The following ANKRD17 variants were observed in gnomAD, a reference collection of about 807,000 sequenced individuals.
The protein encoded by ANKRD17 is ankyrin repeat domain 17.
Under a neutral mutation model 229.7 loss-of-function variants are expected in ANKRD17, and 19 were observed. The observed-to-expected ratio is 0.08, with a 90% CI of 0.06 to 0.12. ANKRD17 has a LOEUF of 0.12. ANKRD17 is among the 10% of genes least tolerant of loss of function. The pLI, the probability that ANKRD17 is intolerant of heterozygous loss-of-function variation, is 1.00. For synonymous variants in ANKRD17, 1,112 were observed against 1,146.1 expected, an observed-to-expected ratio of 0.97 and a Z score of 0.60; for missense variants, 2,176 against 3,176.8, an observed-to-expected ratio of 0.68 and a Z score of 7.57.
intron 1 of ANKRD17, among the ~76,000 whole-genome samples, chr4:73,257,280 G>A (rs1471349087): frequency 6.6e-6 from 1 of 152,216 alleles, no homozygotes; most frequent in Non-Finnish European, 1.5e-5. Flanking sequence ...TTGGTTGTCA[G>A]TATGGTATGT....
At chr4:73,108,577 A>C (rs977567774) in intron 24 of ANKRD17, among the ~76,000 whole-genome samples, 1 of 152,190 alleles carries the variant, frequency 6.6e-6, no homozygotes, top group East Asian at 1.9e-4. Flanking sequence ...TGAAGAGAGT[A>C]TATCAAATGT....
At chr4:73,096,596 A>G (rs925305877) in intron 27 of ANKRD17, among the ~76,000 whole-genome samples, 9 of 152,212 alleles carry the variant, frequency 5.9e-5, no homozygotes, top group African/African-American at 1.7e-4. Context: ...AAAGAGTGAC[A>G]ATGGATCACA....
At chr4:73,132,823 G>T (rs780534522) in intron 16 of ANKRD17, among the ~76,000 whole-genome samples, 18 of 152,120 alleles carry the variant, frequency 1.2e-4, no homozygotes, top group Non-Finnish European at 2.2e-4. Context: ...TCAATGACTG[G>T]ACAAACTTTT....
At position 73,139,924 on chromosome 4, in the gene ANKRD17, G is replaced by T. The variant is rs1729405789; in HGVS notation, c.2692C>A (p.Leu898Ile). The T allele has an allele frequency of 1.2e-6, 2 of 1,614,108 alleles. No homozygotes were observed. The highest frequency in any genetic ancestry group is 1.6e-4 in the Middle Eastern group (1 of 6,084). Residue 898 changes from leucine to isoleucine, a missense_variant, in exon 15 of 34, where the codon CTT becomes ATT. Physicochemically the swap from Leu to Ile is conservative, Grantham distance 5. Coordinates refer to ENST00000358602, the MANE Select transcript of ANKRD17 (RefSeq NM_032217.5). The stretch of plus-strand genomic sequence containing the variant: ...CAAGACTGTTGCTGCTGTTGCTGAA[G>T]TTGAATTCTTTGAGCTTTAACCTCT... Reference protein sequence around the residue: ...YLEVKAQRIQLQQQQQQSCQH... With the variant: ...YLEVKAQRIQIQQQQQQSCQH...
intron 2 of ANKRD17, among the ~76,000 whole-genome samples, chr4:73,163,029 C>CT (rs769597979): frequency 0.018 from 2,410 of 135,766 alleles, 29 homozygotes; most frequent in Middle Eastern, 0.019. Flanking sequence ...TGGCTAATTG[C>CT]TTTTTTTTTT....
In ANKRD17 at chr4:73,085,281, C is replaced by G; in HGVS notation, c.7127G>C (p.Ser2376Thr). The change falls in exon 30 of 34, where the codon AGT (serine) becomes ACT (threonine). Residue 2376 changes from serine (S) to threonine (T), a missense_variant. By Grantham distance (58) the Ser-to-Thr change is moderately conservative. This residue lies in a region of ANKRD17 where 87 missense variants were observed against 116.0 expected (regional missense o/e 0.75). Transcript: ENST00000358602. ...TGCTGATGAACACGGAGTCAACAAA[C>G]TAAGCGGGGAAAAATGTTGTCTGTT... ...NFNRQHFSPL[S>T]LLTPCSSASN... The G allele has an allele frequency of 1.2e-6, 2 of 1,614,064 alleles. No homozygotes were observed. Among genetic ancestry groups the G allele is most frequent in the Non-Finnish European group, 1.7e-6 (2 of 1,179,998 alleles).
rs1723906749 is a variant in ANKRD17 at position 73,100,959 on chromosome 4, G to C, written c.4573+1417C>G. ...AGATTTAACCAACACTAGATTGAAA[G>C]TATTCAAAAAACAAAACAAAAAACA... On this transcript the variant is annotated intron_variant, in intron 25 of 33. Transcript: ENST00000358602. 5 of 985,174 alleles carry C rather than the reference G, an allele frequency of 5.1e-6. 1 individual carries two copies. In the South Asian group the frequency reaches 1.9e-4, roughly 37 times the overall value. 61.0% of individuals were successfully genotyped at this position (985,174 alleles called of 1,614,324 possible).
intron 24 of ANKRD17, among the ~76,000 whole-genome samples, chr4:73,111,883 T>C (rs1160898230): frequency 1.3e-5 from 2 of 152,236 alleles, no homozygotes; most frequent in Non-Finnish European, 2.9e-5. Flanking sequence ...TTTTATGTTC[T>C]AGTAATAGAG....
At chr4:73,161,041 TAA>T in intron 3 of ANKRD17, 149 bp downstream of exon 3, 1 of 1,001,376 alleles carries the variant, frequency 1.0e-6, no homozygotes, top group Non-Finnish European at 1.4e-6. Flanking sequence ...CTATACCTTA[TAA>T]AGTTTTTGTG....
chr4:73,179,488 G>GTGTGTA (rs1491132715), intron 1 of ANKRD17, among the ~76,000 whole-genome samples: 10 of 48,218 alleles, frequency 2.1e-4, no homozygotes, highest in East Asian at 5.9e-4. Context: ...GTGTGTGTGT[G>GTGTGTA]TATATATATA....
chr4:73,229,689 G>A (rs1021539829), intron 1 of ANKRD17, among the ~76,000 whole-genome samples: 3 of 150,846 alleles, frequency 2.0e-5, no homozygotes, highest in African/African-American at 7.3e-5. Flanking sequence ...AGAAGAATGG[G>A]GAGTCCAATG....
Position 73,077,089 on chromosome 4 carries a change from C to A in ANKRD17, c.7603G>T (p.Val2535Leu), listed in dbSNP as rs1311399874. 6.3e-7 allele frequency: 1 copy of A among 1,584,214 alleles called. No homozygotes were observed. The highest frequency in any genetic ancestry group is 1.2e-5 in the South Asian group (1 of 85,444). The change falls in exon 33 of 34, where the codon GTG becomes TTG. Residue 2535 changes from valine (V) to leucine (L), a missense_variant. This residue lies in a region of ANKRD17 where 159 missense variants were observed against 214.3 expected (regional missense o/e 0.74). Transcript: ENST00000358602. ...FPKVGGMPFS[V>L]YGNAMIPPVA... ...GGAGGAATCATTGCATTCCCATACA[C>A]AGAAAAAGGCATACCCTTAAAAAAG...
chr4:73,236,103 G>A (rs1560772537), intron 1 of ANKRD17, among the ~76,000 whole-genome samples: 1 of 152,012 alleles, frequency 6.6e-6, no homozygotes, highest in Admixed American at 6.6e-5. Flanking sequence ...GTGATTACTG[G>A]GGACAGAGTA....
Position 73,125,284 on chromosome 4 carries a change from G to A in ANKRD17, c.3263C>T (p.Thr1088Ile), listed in dbSNP as rs1560556419. 2.5e-6 allele frequency: 4 copies of A among 1,613,476 alleles called. No homozygotes were observed. The highest frequency in any genetic ancestry group is 1.3e-5 in the African/African-American group (1 of 74,814). Residue 1088 changes from threonine to isoleucine, a missense_variant, in exon 17 of 34, where the codon ACA becomes ATA. By Grantham distance (89) the Thr-to-Ile change is moderately conservative. This residue lies in a region of ANKRD17 where 230 missense variants were observed against 252.3 expected (regional missense o/e 0.91). Transcript: ENST00000358602. ...QTESNHDTALTLACAGGHEEL... is the reference protein window; with the variant it reads ...QTESNHDTALILACAGGHEEL... The stretch of plus-strand genomic sequence containing the variant: ...CTCGTGGCCACCAGCACAGGCAAGT[G>A]TTAGTGCCGTGTCATGATTACTCTC...
intron 2 of ANKRD17, among the ~76,000 whole-genome samples, chr4:73,176,348 G>C (rs564885817): frequency 2.0e-5 from 3 of 152,120 alleles, no homozygotes; most frequent in African/African-American, 7.2e-5. Flanking sequence ...ATATACTATT[G>C]GTGAGAATGT....
intron 1 of ANKRD17, among the ~76,000 whole-genome samples, chr4:73,230,846 C>T (rs1280599999): frequency 6.6e-6 from 1 of 152,138 alleles, no homozygotes; most frequent in Non-Finnish European, 1.5e-5. Flanking sequence ...GTTGTCTCTA[C>T]CCATGGTGGG....
intron 1 of ANKRD17, among the ~76,000 whole-genome samples, chr4:73,182,363 A>C (rs982736427): frequency 6.6e-6 from 1 of 152,158 alleles, no homozygotes; most frequent in African/African-American, 2.4e-5. Flanking sequence ...GGTTCAATTC[A>C]GTGTTTACAC....
rs368595429 is a variant in ANKRD17, at chr4:73,099,375, C to G, written c.4574-855G>C. Among the ~76,000 whole-genome samples, 12 of 152,226 alleles carry G rather than the reference C, an allele frequency of 7.9e-5. No homozygotes were observed. The South Asian group carries it at 2.5e-3, about 32-fold the overall frequency. On this transcript the variant is annotated intron_variant, in intron 25 of 33. Transcript: ENST00000358602. ...AAGCAGTTTTCCCCTGGCCTCAGTT[C>G]CCAGCTCCCCGCAACCACCCACACA...
At position 73,154,141 on chromosome 4, in the gene ANKRD17, C is replaced by T. The variant is rs527679540; in HGVS notation, c.1001-28G>A. On this transcript the variant is annotated intron_variant, in intron 5 of 33. Transcript: ENST00000358602. ...ATTTTAATTAGGAAAAATAAAAAGA[C>T]ATTAACATAAAATACCAAAATAAAT... 9 of 1,473,748 alleles carry T rather than the reference C, an allele frequency of 6.1e-6. No homozygotes were observed. The South Asian group carries it at 1.1e-4, about 19-fold the overall frequency. 91.3% of individuals were successfully genotyped at this position (1,473,748 alleles called of 1,614,324 possible).
Sources: allele counts gnomAD v4.1 joint callset (sites outside exome capture counted in the v4.1 genomes callset), GRCh38; gene constraint gnomAD v4.1.1; regional missense constraint gnomAD v4.1.1; transcripts MANE v1.5; gene names NCBI Gene and HGNC (gene_info 2026-07-23, HGNC 2026-07-21).